The following MBOAT1 variants were observed in gnomAD, a reference collection of about 807,000 sequenced individuals.
MBOAT1 encodes the protein membrane-bound glycerophospholipid O-acyltransferase 1.
In MBOAT1, 67 loss-of-function variants were observed where a neutral mutation model predicts 64.4. The observed-to-expected ratio is 1.04, with a 90% CI of 0.85 to 1.27. The LOEUF is 1.27. Among genes scored for constraint, MBOAT1 ranks in the 50% most tolerant of loss-of-function variants. MBOAT1 has a pLI of 0.00. For synonymous variants in MBOAT1, 229 were observed against 218.9 expected (o/e 1.05, Z -0.41); for missense variants, 563 against 604.6 (o/e 0.93, Z 0.72).
chr6:20,189,423 T>C (rs1406653393), intron 1 of MBOAT1, among the ~76,000 whole-genome samples: 2 of 152,160 alleles, frequency 1.3e-5, no homozygotes, highest in African/African-American at 2.4e-5. Context: ...AGGGTCTCAC[T>C]ATGTTGCCCA....
At chr6:20,150,778 C>T (rs150518455) in intron 3 of MBOAT1, among the ~76,000 whole-genome samples, 4,816 of 149,878 alleles carry the variant, frequency 0.032, 238 homozygotes, top group African/African-American at 0.11. Context: ...GACGAGGTTT[C>T]ACCATGCTGC....
chr6:20,198,788 C>G (rs933735810), intron 1 of MBOAT1, among the ~76,000 whole-genome samples: 1 of 152,178 alleles, frequency 6.6e-6, no homozygotes, highest in Admixed American at 6.6e-5. Context: ...TGTTTTATAG[C>G]CCACTAGCTT....
At chr6:20,144,693 C>G (rs942420008) in intron 3 of MBOAT1, among the ~76,000 whole-genome samples, 1 of 152,224 alleles carries the variant, frequency 6.6e-6, no homozygotes, top group African/African-American at 2.4e-5. Flanking sequence ...CTTCACAGCC[C>G]TCATGTTTGC....
At chr6:20,126,259 A>G (rs1370212511) in intron 7 of MBOAT1, among the ~76,000 whole-genome samples, 1 of 152,222 alleles carries the variant, frequency 6.6e-6, no homozygotes, top group Non-Finnish European at 1.5e-5. Context: ...ACAGTGCTGG[A>G]CACCTTGTAT....
At chr6:20,179,993 C>A (rs1158069909) in intron 1 of MBOAT1, among the ~76,000 whole-genome samples, 1 of 152,132 alleles carries the variant, frequency 6.6e-6, no homozygotes, top group Non-Finnish European at 1.5e-5. Flanking sequence ...CACTCCTCCT[C>A]AAAGTTCAGC....
At chr6:20,178,624 G>C (rs1245747714) in intron 1 of MBOAT1, among the ~76,000 whole-genome samples, 2 of 152,062 alleles carry the variant, frequency 1.3e-5, no homozygotes, top group Admixed American at 1.3e-4. Flanking sequence ...ATAGAATTCT[G>C]GGAAATAAAT....
chr6:20,185,655 C>T (rs1465992491), intron 1 of MBOAT1, among the ~76,000 whole-genome samples: 5 of 152,170 alleles, frequency 3.3e-5, no homozygotes, highest in African/African-American at 4.8e-5. Context: ...GTGTGGAGAA[C>T]GCTGGCTAAT....
chr6:20,126,659 T>C lies in MBOAT1; in HGVS notation c.572A>G (p.Asn191Ser), dbSNP rs745554684. ...SFLEYLSYLLNFMSVIAGPCN... is the reference protein window; with the variant it reads ...SFLEYLSYLLSFMSVIAGPCN... ...AGGACCAGCTATGACACTCATGAAA[T>C]TGAGAAGGTAACTTAAGTATTCCAA... is the stretch of plus-strand genomic sequence containing the variant. Residue 191 changes from asparagine to serine, a missense_variant, in exon 7 of 13, where the codon AAT becomes AGT. Physicochemically the swap from Asn to Ser is conservative, Grantham distance 46. Coordinates refer to ENST00000324607, the MANE Select transcript of MBOAT1 (RefSeq NM_001080480.3). The C allele has an allele frequency of 4.3e-6, 7 of 1,612,854 alleles. No homozygotes were observed. The highest frequency in any genetic ancestry group is 1.3e-5 in the African/African-American group (1 of 74,866).
intron 1 of MBOAT1, among the ~76,000 whole-genome samples, chr6:20,187,389 C>CA (rs2113750916): frequency 6.6e-6 from 1 of 152,324 alleles, no homozygotes; most frequent in East Asian, 1.9e-4. Flanking sequence ...ACACATCCTG[C>CA]ACAAGCATCG....
intron 1 of MBOAT1, among the ~76,000 whole-genome samples, chr6:20,195,055 G>A (rs926616640): frequency 1.3e-5 from 2 of 151,762 alleles, no homozygotes; most frequent in African/African-American, 4.8e-5. Context: ...CAGGCTCAAG[G>A]AATCCTCCCA....
chr6:20,187,185 G>A (rs756535561), intron 1 of MBOAT1, among the ~76,000 whole-genome samples: 2 of 152,180 alleles, frequency 1.3e-5, no homozygotes, highest in Non-Finnish European at 2.9e-5. Context: ...TTCTTACTGT[G>A]CCACATTTAC....
chr6:20,206,705 C>T (rs1470124429), intron 1 of MBOAT1, among the ~76,000 whole-genome samples: 1 of 152,128 alleles, frequency 6.6e-6, no homozygotes, highest in African/African-American at 2.4e-5. Flanking sequence ...TAGTCTTCTC[C>T]ACCGCAACTC....
At chr6:20,121,487 C>A (rs1023167336) in intron 8 of MBOAT1, among the ~76,000 whole-genome samples, 2 of 152,214 alleles carry the variant, frequency 1.3e-5, no homozygotes, top group African/African-American at 4.8e-5. Flanking sequence ...GCTAAGTCCA[C>A]AGAGAAAGCT....
intron 1 of MBOAT1, among the ~76,000 whole-genome samples, chr6:20,196,445 G>C (rs569727924): frequency 6.6e-4 from 101 of 152,156 alleles, no homozygotes; most frequent in South Asian, 4.1e-4. Flanking sequence ...GAGGAAGAAG[G>C]GGGGATAGGG....
At chr6:20,109,150 G>T (rs1158329995) in intron 12 of MBOAT1, among the ~76,000 whole-genome samples, 1 of 152,030 alleles carries the variant, frequency 6.6e-6, no homozygotes, top group African/African-American at 2.4e-5. Flanking sequence ...AGCCTCACCA[G>T]GGAGTCCTTC....
At chr6:20,126,411 A>C in intron 7 of MBOAT1, 106 bp downstream of exon 7, 11 of 939,662 alleles carry the variant, frequency 1.2e-5, no homozygotes, top group South Asian at 1.7e-5. Flanking sequence ...GAGAAAAGTT[A>C]TTGGCCAAGC....
intron 1 of MBOAT1, among the ~76,000 whole-genome samples, chr6:20,166,098 T>C (rs1762008610): frequency 6.6e-6 from 1 of 152,166 alleles, no homozygotes; most frequent in Non-Finnish European, 1.5e-5. Flanking sequence ...TACTGTTTCC[T>C]ATATTTACTT....
At chr6:20,187,823 C>A (rs1762697681) in intron 1 of MBOAT1, among the ~76,000 whole-genome samples, 1 of 152,188 alleles carries the variant, frequency 6.6e-6, no homozygotes, top group Non-Finnish European at 1.5e-5. Context: ...GAAACCCCAT[C>A]TCTACAAAGA....
intron 1 of MBOAT1, among the ~76,000 whole-genome samples, chr6:20,177,847 A>G (rs755512450): frequency 7.3e-5 from 11 of 151,098 alleles, no homozygotes; most frequent in Non-Finnish European, 1.0e-4. Flanking sequence ...GCTTTCTCTG[A>G]CACTTTTCTT....
Sources: gnomAD v4.1 joint callset for allele counts (sites outside exome capture counted in the v4.1 genomes callset) on GRCh38, gnomAD v4.1.1 for gene constraint, MANE v1.5 for transcripts, NCBI Gene and HGNC (gene_info 2026-07-23, HGNC 2026-07-21) for gene names.